The following FAM135B variants were observed in gnomAD, a reference collection of about 807,000 sequenced individuals.
FAM135B encodes protein FAM135B.
A neutral mutation model predicts 127.7 loss-of-function variants in FAM135B; 43 were observed. That is an observed-to-expected ratio of 0.34 (90% CI 0.26 to 0.43). The LOEUF (loss-of-function observed/expected upper bound fraction) is 0.43. Ranked by LOEUF, FAM135B falls within the 20% of genes least tolerant of loss-of-function variation. The probability of loss-of-function intolerance (pLI) is 1.00; values close to 1 mark genes in which losing one functional copy is unlikely to be tolerated. For synonymous variants in FAM135B, 670 were observed against 665.1 expected (o/e 1.01, Z -0.11); for missense variants, 1,558 against 1,725.6 (o/e 0.90, Z 1.72).
At chr8:138,266,111 G>A (rs995031099) in intron 3 of FAM135B, among the ~76,000 whole-genome samples, 1 of 152,134 alleles carries the variant, frequency 6.6e-6, no homozygotes, top group Non-Finnish European at 1.5e-5. Flanking sequence ...CTCCTGGGCT[G>A]CTATGCAGTG....
intron 1 of FAM135B, among the ~76,000 whole-genome samples, chr8:138,419,766 AAATT>A (rs1293330113): frequency 2.0e-5 from 3 of 152,206 alleles, no homozygotes; most frequent in African/African-American, 7.2e-5. Context: ...GTAAAGAATG[AAATT>A]AAGACAGAAA....
At chr8:138,466,039 G>T (rs113287193) in intron 1 of FAM135B, among the ~76,000 whole-genome samples, 4 of 152,092 alleles carry the variant, frequency 2.6e-5, no homozygotes, top group Non-Finnish European at 5.9e-5. Context: ...GCCTCCCAAC[G>T]TGCTGGGATT....
chr8:138,446,542 C>T (rs1836171070), intron 1 of FAM135B, among the ~76,000 whole-genome samples: 1 of 152,152 alleles, frequency 6.6e-6, no homozygotes, highest in Non-Finnish European at 1.5e-5. Flanking sequence ...CTGAGAAAAA[C>T]AAGCAATGGG....
At chr8:138,136,341 A>G (rs1816659471) in intron 19 of FAM135B, among the ~76,000 whole-genome samples, 1 of 152,156 alleles carries the variant, frequency 6.6e-6, no homozygotes, top group South Asian at 2.1e-4. Flanking sequence ...ATAGAAATAT[A>G]CAAATTAGAT....
intron 2 of FAM135B, among the ~76,000 whole-genome samples, chr8:138,323,583 C>G (rs1827599425): frequency 6.6e-6 from 1 of 152,198 alleles, no homozygotes; most frequent in South Asian, 2.1e-4. Flanking sequence ...TGAGTCCTTA[C>G]TGTCCCTGGT....
chr8:138,138,526 A>G (rs1816853794), intron 18 of FAM135B, among the ~76,000 whole-genome samples: 1 of 152,192 alleles, frequency 6.6e-6, no homozygotes, highest in Admixed American at 6.5e-5. Flanking sequence ...CAACACCTCT[A>G]TGCACTTCCA....
intron 2 of FAM135B, among the ~76,000 whole-genome samples, chr8:138,354,956 A>C (rs1829999033): frequency 6.6e-6 from 1 of 151,930 alleles, no homozygotes; most frequent in African/African-American, 2.4e-5. Flanking sequence ...GGTGTGCTGC[A>C]CCCATTAACT....
rs979908259 is a variant in FAM135B at position 138,385,436 on chromosome 8, G to A, written c.-19-17434C>T. ...ACACAGCACTCCATAAATATTTGCC[G>A]ATTGAACTAAAGGTAAACATTGAGC... On this transcript the variant is annotated intron_variant, in intron 1 of 19. Coordinates refer to ENST00000395297, the MANE Select transcript of FAM135B (RefSeq NM_015912.4). Among the ~76,000 whole-genome samples, 6 of 152,250 alleles carry A rather than the reference G, an allele frequency of 3.9e-5. No homozygotes were observed. The South Asian group carries it at 8.3e-4, about 21-fold the overall frequency.
At chr8:138,340,875 C>T (rs1242010077) in intron 2 of FAM135B, among the ~76,000 whole-genome samples, 1 of 152,186 alleles carries the variant, frequency 6.6e-6, no homozygotes, top group Non-Finnish European at 1.5e-5. Context: ...TCTCTTGGGA[C>T]TCTCAGCCCC....
intron 9 of FAM135B, among the ~76,000 whole-genome samples, chr8:138,191,627 T>G (rs1816133060): frequency 6.6e-6 from 1 of 152,136 alleles, no homozygotes; most frequent in Non-Finnish European, 1.5e-5. Context: ...ACACCGGATC[T>G]GGGAAGCACT....
chr8:138,405,931 T>C (rs941671186), intron 1 of FAM135B, among the ~76,000 whole-genome samples: 14 of 151,988 alleles, frequency 9.2e-5, no homozygotes, highest in Non-Finnish European at 1.5e-4. Context: ...TGGTGTCTCA[T>C]TGTGGTTTTG....
intron 3 of FAM135B, among the ~76,000 whole-genome samples, chr8:138,278,492 G>A (rs1040359208): frequency 6.6e-6 from 1 of 150,398 alleles, no homozygotes; most frequent in African/African-American, 2.4e-5. Flanking sequence ...TGCTGCTTTA[G>A]ACCACTGTGG....
chr8:138,177,941 C>T (rs931247347), intron 10 of FAM135B, among the ~76,000 whole-genome samples: 2 of 152,206 alleles, frequency 1.3e-5, no homozygotes, highest in African/African-American at 4.8e-5. Context: ...AGAGCAATGT[C>T]TTACATTAAA....
chr8:138,412,675 A>T (rs1027896780), intron 1 of FAM135B, among the ~76,000 whole-genome samples: 4 of 152,180 alleles, frequency 2.6e-5, no homozygotes, highest in African/African-American at 9.7e-5. Flanking sequence ...CTATGGTGCA[A>T]ATCTTTGACC....
chr8:138,394,359 C>T (rs1453958805), intron 1 of FAM135B, among the ~76,000 whole-genome samples: 1 of 152,112 alleles, frequency 6.6e-6, no homozygotes, highest in African/African-American at 2.4e-5. Flanking sequence ...TCATCTCCTT[C>T]AATCCCCCAT....
At chr8:138,485,668 A>G (rs1814956144) in intron 1 of FAM135B, among the ~76,000 whole-genome samples, 1 of 152,198 alleles carries the variant, frequency 6.6e-6, no homozygotes, top group African/African-American at 2.4e-5. Flanking sequence ...TGAGGTTACA[A>G]TCAGGTTATT....
At chr8:138,457,005 T>G (rs1836816260) in intron 1 of FAM135B, among the ~76,000 whole-genome samples, 2 of 136,212 alleles carry the variant, frequency 1.5e-5, no homozygotes, top group Non-Finnish European at 1.6e-5. Context: ...AAAGAAGATG[T>G]GAAAGAAAAA....
chr8:138,260,757 T>C (rs975391989), intron 4 of FAM135B, among the ~76,000 whole-genome samples: 1 of 152,156 alleles, frequency 6.6e-6, no homozygotes, highest in African/African-American at 2.4e-5. Context: ...CCATGCACTA[T>C]AGCAGCAACT....
At chr8:138,317,920 C>T (rs1255930794) in intron 2 of FAM135B, among the ~76,000 whole-genome samples, 1 of 152,222 alleles carries the variant, frequency 6.6e-6, no homozygotes, top group Non-Finnish European at 1.5e-5. Flanking sequence ...TGCTACTTAG[C>T]AGTGGCTTAT....
Sources: allele counts gnomAD v4.1 joint callset (sites outside exome capture counted in the v4.1 genomes callset), GRCh38; gene constraint gnomAD v4.1.1; transcripts MANE v1.5; gene names NCBI Gene and HGNC (gene_info 2026-07-23, HGNC 2026-07-21).